The following LTBP1 variants were observed in gnomAD, a reference collection of about 807,000 sequenced individuals.
LTBP1 encodes the protein latent-transforming growth factor beta-binding protein 1.
Under a neutral mutation model 207.6 loss-of-function variants are expected in LTBP1, and 129 were observed. The ratio of observed to expected loss-of-function variants is 0.62; its 90% confidence interval spans 0.54 to 0.72. The LOEUF is 0.72. Among genes scored for constraint, LTBP1 ranks in the 30% least tolerant of loss-of-function variants. The probability of loss-of-function intolerance (pLI) is 0.00; values close to 1 mark genes in which losing one functional copy is unlikely to be tolerated. For synonymous variants in LTBP1, 963 were observed against 833.7 expected (o/e 1.16, Z -2.67); for missense variants, 2,281 against 2,217.2 (o/e 1.03, Z -0.58).
intron 2 of LTBP1, among the ~76,000 whole-genome samples, chr2:33,009,240 A>G (rs1334994228): frequency 2.6e-5 from 4 of 152,152 alleles, no homozygotes; most frequent in Non-Finnish European, 4.4e-5. Context: ...TAGAGCTAAC[A>G]GGATTTGGAG....
chr2:33,300,835 T>G (rs1363966341), intron 21 of LTBP1, among the ~76,000 whole-genome samples: 1 of 152,226 alleles, frequency 6.6e-6, no homozygotes, highest in African/African-American at 2.4e-5. Flanking sequence ...TGTGTAATTC[T>G]TTACTACAGA....
intron 3 of LTBP1, among the ~76,000 whole-genome samples, chr2:33,060,621 C>T (rs903069440): frequency 4.7e-5 from 7 of 148,322 alleles, no homozygotes; most frequent in East Asian, 4.0e-4. Flanking sequence ...CTTTTAATAC[C>T]GTTCGTTGTA....
chr2:33,153,314 T>C (rs551822261), intron 5 of LTBP1, among the ~76,000 whole-genome samples: 37 of 152,318 alleles, frequency 2.4e-4, no homozygotes, highest in Non-Finnish European at 2.4e-4. Context: ...GTATTTTCCT[T>C]GCTTGGTTTA....
intron 3 of LTBP1, among the ~76,000 whole-genome samples, chr2:33,096,929 G>A (rs1001467794): frequency 6.6e-6 from 1 of 152,208 alleles, no homozygotes; most frequent in Admixed American, 6.5e-5. Flanking sequence ...GCAGGTGGTG[G>A]TGGTGGTTTT....
chr2:33,088,573 A>G (rs780744705), intron 3 of LTBP1, among the ~76,000 whole-genome samples: 21 of 152,206 alleles, frequency 1.4e-4, no homozygotes, highest in Non-Finnish European at 2.6e-4. Flanking sequence ...CTGTTTGGAA[A>G]TGTATCCCTA....
Position 33,196,533 on chromosome 2 carries a change from A to G in LTBP1, c.1701+7682A>G, listed in dbSNP as rs527301855. On this transcript the variant is annotated intron_variant, in intron 7 of 33. Coordinates refer to ENST00000404816, the MANE Select transcript of LTBP1 (RefSeq NM_206943.4). ...AGGGCCAATCTAAGAAGTCAAGTTG[A>G]AAAAAAAGGAGATGACTATAGGGGA... Among the ~76,000 whole-genome samples the G allele has an allele frequency of 2.6e-5, 4 of 152,116 alleles. No individual in the cohort carries two copies. The East Asian group carries it at 7.7e-4, about 29-fold the overall frequency.
chr2:33,103,645 T>A (rs1012959586), intron 3 of LTBP1, among the ~76,000 whole-genome samples: 1 of 146,156 alleles, frequency 6.8e-6, no homozygotes, highest in Non-Finnish European at 1.5e-5. Context: ...TGCTGCCATG[T>A]GGCATCTTCC....
At chr2:32,975,386 G>A (rs1198939332) in intron 2 of LTBP1, among the ~76,000 whole-genome samples, 1 of 151,970 alleles carries the variant, frequency 6.6e-6, no homozygotes, top group East Asian at 1.9e-4. Context: ...GTATCTAACA[G>A]GGGTTCTATG....
intron 24 of LTBP1, among the ~76,000 whole-genome samples, chr2:33,339,865 G>A (rs2094596322): frequency 6.6e-6 from 1 of 151,870 alleles, no homozygotes; most frequent in Admixed American, 6.6e-5. Flanking sequence ...GGCTGGTCTT[G>A]AACTCCCGAC....
intron 3 of LTBP1, among the ~76,000 whole-genome samples, chr2:33,045,612 A>G (rs2076404903): frequency 1.3e-5 from 2 of 152,164 alleles, no homozygotes; most frequent in Non-Finnish European, 2.9e-5. Context: ...TTTTGTTTCC[A>G]TATGAAATTT....
At chr2:33,294,175 T>TTTGC (rs1239522820) in intron 20 of LTBP1, among the ~76,000 whole-genome samples, 1 of 151,232 alleles carries the variant, frequency 6.6e-6, no homozygotes, top group African/African-American at 2.4e-5. Context: ...CCGACTAATT[T>TTTGC]TTGTTTGTTT....
intron 15 of LTBP1, among the ~76,000 whole-genome samples, chr2:33,264,296 A>T (rs1422767062): frequency 1.3e-5 from 2 of 151,482 alleles, no homozygotes; most frequent in Non-Finnish European, 2.9e-5. Flanking sequence ...AATGATTACC[A>T]TTTTACTTTT....
At chr2:32,949,454 T>G (rs751181183) in intron 2 of LTBP1, among the ~76,000 whole-genome samples, 2 of 152,234 alleles carry the variant, frequency 1.3e-5, no homozygotes, top group Non-Finnish European at 2.9e-5. Context: ...TGCACTTCTC[T>G]GCTGCTCTTC....
At chr2:33,010,198 A>G (rs1336143418) in intron 2 of LTBP1, among the ~76,000 whole-genome samples, 1 of 152,240 alleles carries the variant, frequency 6.6e-6, no homozygotes, top group Non-Finnish European at 1.5e-5. Context: ...CACTGGATTT[A>G]GCAGCCTGGA....
chr2:33,303,017 A>G (rs549308413), intron 22 of LTBP1, among the ~76,000 whole-genome samples: 52 of 151,816 alleles, frequency 3.4e-4, no homozygotes, highest in Non-Finnish European at 2.7e-4. Flanking sequence ...ACACACCCCT[A>G]TTGAGAAATA....
chr2:33,253,276 T>A (rs192041135), intron 11 of LTBP1, among the ~76,000 whole-genome samples: 1 of 152,164 alleles, frequency 6.6e-6, no homozygotes, highest in Admixed American at 6.5e-5. Context: ...TAATTGGAAA[T>A]GGAGGAAATT....
chr2:33,144,358 A>T (rs537290697), intron 5 of LTBP1, among the ~76,000 whole-genome samples: 1 of 152,252 alleles, frequency 6.6e-6, no homozygotes, highest in East Asian at 1.9e-4. Context: ...CTTCAATATC[A>T]TATGGCCAAG....
chr2:33,095,741 A>G (rs989090957), intron 3 of LTBP1, among the ~76,000 whole-genome samples: 2 of 152,138 alleles, frequency 1.3e-5, no homozygotes, highest in African/African-American at 4.8e-5. Context: ...GGAATTTTTA[A>G]TAGAAAAATA....
intron 31 of LTBP1, among the ~76,000 whole-genome samples, chr2:33,378,260 C>G (rs1408605187): frequency 6.6e-6 from 1 of 151,322 alleles, no homozygotes; most frequent in Non-Finnish European, 1.5e-5. Context: ...GAGTCTCGCT[C>G]TGTTGCCCAG....
Sources: allele counts gnomAD v4.1 joint callset (sites outside exome capture counted in the v4.1 genomes callset), GRCh38; gene constraint gnomAD v4.1.1; transcripts MANE v1.5; gene names NCBI Gene and HGNC (gene_info 2026-07-23, HGNC 2026-07-21).